ADCY10: variants seen among roughly 807,000 people sequenced by gnomAD.
ADCY10 encodes the protein adenylate cyclase type 10.
ADCY10 carries 156 observed loss-of-function variants against 183.3 expected under a neutral mutation model. The ratio of observed to expected loss-of-function variants is 0.85; its 90% CI spans 0.75 to 0.97. The LOEUF (loss-of-function observed/expected upper bound fraction) is 0.97. Ranked by LOEUF, ADCY10 falls within the 50% of genes least tolerant of loss-of-function variation. The pLI, the probability that ADCY10 is intolerant of heterozygous loss-of-function variation, is 0.00. For missense variants in ADCY10, 1,745 were observed against 1,934.3 expected (o/e 0.90, Z 1.84); for synonymous variants, 645 against 670.0 (o/e 0.96, Z 0.58).
intron 23 of ADCY10, among the ~76,000 whole-genome samples, chr1:167,835,463 C>T (rs902598223): frequency 6.6e-6 from 1 of 152,198 alleles, no homozygotes; most frequent in African/African-American, 2.4e-5. Flanking sequence ...GCATAGTGCC[C>T]TGGAACCTTA....
chr1:167,842,551 C>G (rs1211964450), intron 21 of ADCY10, among the ~76,000 whole-genome samples: 1 of 150,024 alleles, frequency 6.7e-6, no homozygotes, highest in African/African-American at 2.5e-5. Context: ...ATCTATCTGT[C>G]TAGGATAGAT....
intron 11 of ADCY10, among the ~76,000 whole-genome samples, 173 bp from the exon 12 acceptor site, chr1:167,878,808 T>C (rs761641356): frequency 1.3e-5 from 2 of 152,196 alleles, no homozygotes; most frequent in Non-Finnish European, 2.9e-5. Flanking sequence ...ATTCACAAAA[T>C]GTGCAGGGAG....
At chr1:167,903,421 A>G (rs112789019) in intron 3 of ADCY10, among the ~76,000 whole-genome samples, 5,538 of 151,500 alleles carry the variant, frequency 0.037, 223 homozygotes, top group African/African-American at 0.1. Context: ...ACAATTAGAC[A>G]GGTGTGGGGG....
At chr1:167,863,039 A>T (rs1666393149) in intron 14 of ADCY10, among the ~76,000 whole-genome samples, 1 of 152,246 alleles carries the variant, frequency 6.6e-6, no homozygotes, top group African/African-American at 2.4e-5. Flanking sequence ...AAGACCTCTT[A>T]TTCTCTATCT....
At chr1:167,814,257 G>T (rs1410189797) in intron 31 of ADCY10, among the ~76,000 whole-genome samples, 2 of 151,852 alleles carry the variant, frequency 1.3e-5, no homozygotes, top group Non-Finnish European at 2.9e-5. Flanking sequence ...CAAATAAATG[G>T]AAAGTGAAGA....
At chr1:167,845,930 C>A (rs1571285901) in intron 20 of ADCY10, 55 bp downstream of exon 20, 17 of 1,613,952 alleles carry the variant, frequency 1.1e-5, no homozygotes, top group South Asian at 2.2e-5. Flanking sequence ...TAGGTCAATT[C>A]TTTGATCTAG....
intron 9 of ADCY10, 107 bp downstream of exon 9, chr1:167,883,330 G>A (rs901675027): frequency 1.6e-5 from 21 of 1,301,052 alleles, no homozygotes; most frequent in South Asian, 3.6e-5. Context: ...GAGCCACCAC[G>A]CCCAGCCTCT....
intron 29 of ADCY10, among the ~76,000 whole-genome samples, chr1:167,822,659 G>C (rs143098446): frequency 6.6e-6 from 1 of 152,108 alleles, no homozygotes; most frequent in African/African-American, 2.4e-5. Flanking sequence ...ATTCTAAAGC[G>C]TGAAGTCTCT....
intron 12 of ADCY10, among the ~76,000 whole-genome samples, chr1:167,877,390 A>G (rs203835): frequency 0.36 from 54,647 of 151,216 alleles, 10,735 homozygotes; most frequent in African/African-American, 0.51. Flanking sequence ...GCTAAGCCTC[A>G]GGAATACTGA....
intron 14 of ADCY10, among the ~76,000 whole-genome samples, chr1:167,866,523 T>C (rs1666701102): frequency 9.3e-6 from 1 of 107,396 alleles, no homozygotes. Flanking sequence ...GTGCACACTC[T>C]ATGTGCCAAA....
chr1:167,842,640 A>G (rs1664739051), intron 21 of ADCY10, among the ~76,000 whole-genome samples: 1 of 152,082 alleles, frequency 6.6e-6, no homozygotes, highest in African/African-American at 2.4e-5. Flanking sequence ...AACATTTGTT[A>G]AGAAATCTAT....
chr1:167,863,912 A>G (rs1260432060), intron 14 of ADCY10, among the ~76,000 whole-genome samples: 1 of 151,828 alleles, frequency 6.6e-6, no homozygotes, highest in African/African-American at 2.4e-5. Flanking sequence ...GCGTGCCTTT[A>G]TCAGCACTTG....
intron 5 of ADCY10, among the ~76,000 whole-genome samples, chr1:167,900,440 G>A (rs1387379758): frequency 1.3e-5 from 2 of 152,014 alleles, no homozygotes; most frequent in Non-Finnish European, 1.5e-5. Context: ...TTCTCAAGAA[G>A]GATAACACAT....
intron 13 of ADCY10, among the ~76,000 whole-genome samples, chr1:167,872,211 G>T (rs1194245631): frequency 6.6e-6 from 1 of 152,078 alleles, no homozygotes; most frequent in African/African-American, 2.4e-5. Flanking sequence ...GGTGGTGCAT[G>T]CCTGTAATCC....
At position 167,836,254 on chromosome 1, in the gene ADCY10, C is replaced by G. The variant is rs1275803545; in HGVS notation, c.3309+55G>C. On this transcript the variant is annotated intron_variant, in intron 23 of 32. Transcript: ENST00000367851. ...AGCATGCTGGAGCTTCCTTCTGGCTCTATGTTCTATGAATTGTCTCTAGGG... is the reference window on the plus strand; with the variant it reads ...AGCATGCTGGAGCTTCCTTCTGGCTGTATGTTCTATGAATTGTCTCTAGGG... The G allele has an allele frequency of 2.5e-6, 3 of 1,223,788 alleles. No individual in the cohort carries two copies. The East Asian group carries it at 7.2e-5, about 29-fold the overall frequency. The allele number at this position is 1,223,788 out of a possible 1,614,324, so 75.8% of individuals were successfully genotyped here.
intron 1 of ADCY10, among the ~76,000 whole-genome samples, chr1:167,910,365 T>A (rs1670073058): frequency 6.6e-6 from 1 of 152,232 alleles, no homozygotes; most frequent in African/African-American, 2.4e-5. Context: ...ATGTGAGGAA[T>A]GATGGCAGAG....
rs1272420126 is a variant in ADCY10 at position 167,846,172 on chromosome 1, C to G, written c.2529G>C (p.Glu843Asp). ...AAIIGLTFTTELLFEILPCWN... is the reference protein window; with the variant it reads ...AAIIGLTFTTDLLFEILPCWN... ...AACAGGGGAGAATCTCAAACAACAA[C>G]TCAGTGGTGAAGGTCAGGCCAATGA... The change falls in exon 20 of 33, where the codon GAG (glutamate) becomes GAC (aspartate). Residue 843 changes from glutamate to aspartate, a missense_variant. Coordinates refer to ENST00000367851, the MANE Select transcript of ADCY10 (RefSeq NM_018417.6). The G allele has an allele frequency of 2.5e-6, 4 of 1,614,082 alleles. No homozygotes were observed. The highest frequency in any genetic ancestry group is 3.4e-6 in the Non-Finnish European group (4 of 1,180,040).
intron 8 of ADCY10, 117 bp from the exon 9 acceptor site, chr1:167,883,745 G>C: frequency 1.1e-6 from 1 of 914,806 alleles, no homozygotes; most frequent in Non-Finnish European, 1.8e-6. Context: ...AATGGGTGAG[G>C]TACAACATGA....
chr1:167,860,976 G>A lies in ADCY10; in HGVS notation c.1704C>T (p.Asp568=), dbSNP rs1666242232. 6.2e-7 allele frequency: 1 copy of A among 1,613,922 alleles called. No individual in the cohort carries two copies. Among genetic ancestry groups the A allele is most frequent in the Admixed American group, 1.7e-5 (1 of 60,008 alleles). ...GTCGTTCTTTATAATGTTTACAAGTGTCTAGGCCTAGGACATTGGCCATGA... is the reference window on the plus strand; with the variant it reads ...GTCGTTCTTTATAATGTTTACAAGTATCTAGGCCTAGGACATTGGCCATGA... ...QMFMANVLGL[D]TCKHYKERQT... The change falls in exon 15 of 33, where the codon GAC becomes GAT. Residue 568 remains aspartate, a synonymous_variant. Coordinates refer to ENST00000367851, the MANE Select transcript of ADCY10 (RefSeq NM_018417.6).
Sources: gnomAD v4.1 joint callset for allele counts (sites outside exome capture counted in the v4.1 genomes callset) on GRCh38, gnomAD v4.1.1 for gene constraint, MANE v1.5 for transcripts, NCBI Gene and HGNC (gene_info 2026-07-23, HGNC 2026-07-21) for gene names.